The following ATOSA variants were observed in gnomAD, a reference collection of about 807,000 sequenced individuals.
ATOSA encodes the protein atos homolog protein A.
the ATOSA span, among the ~76,000 whole-genome samples, chr15:52,599,205 A>C: frequency 1.3e-5 from 2 of 152,214 alleles, no homozygotes; most frequent in African/African-American, 4.8e-5. Flanking sequence ...TTTGTAGTAC[A>C]TGTCTCAAAA....
At chr15:52,640,166 T>C in the ATOSA span, among the ~76,000 whole-genome samples, 2 of 152,188 alleles carry the variant, frequency 1.3e-5, no homozygotes, top group Admixed American at 1.3e-4. Context: ...CTTCCAAGAA[T>C]AGGCCCATTG....
At chr15:52,592,922 G>A in the ATOSA span, among the ~76,000 whole-genome samples, 9 of 152,238 alleles carry the variant, frequency 5.9e-5, 1 homozygote, top group East Asian at 1.5e-3. Context: ...CAAAGTGGGA[G>A]GTCTGCTTGA....
the ATOSA span, among the ~76,000 whole-genome samples, chr15:52,698,098 T>A: frequency 1.4e-5 from 2 of 147,370 alleles, no homozygotes; most frequent in African/African-American, 5.0e-5. Context: ...TGCCTCAGCC[T>A]CCCGAGTAGC....
At chr15:52,652,111 G>T in the ATOSA span, 2 of 1,382,256 alleles carry the variant, frequency 1.4e-6, no homozygotes, top group East Asian at 2.6e-5. Flanking sequence ...TGGACAGAGG[G>T]TGTGCTCAAC....
At chr15:52,662,595 C>T in the ATOSA span, among the ~76,000 whole-genome samples, 1 of 151,948 alleles carries the variant, frequency 6.6e-6, no homozygotes, top group Non-Finnish European at 1.5e-5. Flanking sequence ...ACAGTGAAAC[C>T]CCGTCTCTAC....
chr15:52,651,425 C>G, the ATOSA span, among the ~76,000 whole-genome samples: 3 of 152,178 alleles, frequency 2.0e-5, no homozygotes, highest in Non-Finnish European at 4.4e-5. Context: ...TTCTGACAAT[C>G]TTTGTCAAAT....
the ATOSA span, among the ~76,000 whole-genome samples, chr15:52,669,508 T>C: frequency 2.4e-4 from 37 of 152,300 alleles, no homozygotes; most frequent in South Asian, 6.0e-3. Flanking sequence ...CAAAAGAAAA[T>C]TGCTAATTTG....
At chr15:52,694,244 G>A in the ATOSA span, among the ~76,000 whole-genome samples, 636 of 151,052 alleles carry the variant, frequency 4.2e-3, 2 homozygotes, top group African/African-American at 0.014. Context: ...TCAGCTCACC[G>A]CAACCTCCTC....
the ATOSA span, chr15:52,611,098 G>A: frequency 1.7e-5 from 27 of 1,584,486 alleles, no homozygotes; most frequent in Non-Finnish European, 2.0e-5. Flanking sequence ...GGCTGAATAC[G>A]CACTGTCCTT....
chr15:52,672,154 T>C, the ATOSA span, among the ~76,000 whole-genome samples: 3 of 87,402 alleles, frequency 3.4e-5, no homozygotes, highest in South Asian at 1.1e-3. Flanking sequence ...CTGGGCAACA[T>C]AGTGAGACCC....
chr15:52,701,403 C>T, the ATOSA span, among the ~76,000 whole-genome samples: 16 of 152,284 alleles, frequency 1.1e-4, no homozygotes, highest in South Asian at 2.9e-3. Flanking sequence ...GGTGCCACTG[C>T]ACTCCAGCAT....
the ATOSA span, among the ~76,000 whole-genome samples, chr15:52,694,124 ATG>A: frequency 6.7e-6 from 1 of 150,360 alleles, no homozygotes; most frequent in African/African-American, 2.4e-5. Context: ...TCAGCTGAGT[ATG>A]TGTGTGTGTG....
the ATOSA span, chr15:52,600,969 C>T: frequency 1.4e-6 from 1 of 705,506 alleles, no homozygotes; most frequent in Admixed American, 3.0e-5. Context: ...TGGTATCATA[C>T]TCTAAATAAG....
chr15:52,674,913 C>T, the ATOSA span, among the ~76,000 whole-genome samples: 119,566 of 151,094 alleles, frequency 0.79, 48,163 homozygotes, highest in Non-Finnish European at 0.86. Flanking sequence ...ACATAATAAA[C>T]GATATTATTT....
chr15:52,635,322 A>AG, the ATOSA span, among the ~76,000 whole-genome samples: 1 of 152,228 alleles, frequency 6.6e-6, no homozygotes, highest in Non-Finnish European at 1.5e-5. Flanking sequence ...AGCAGAATGT[A>AG]GATCCTTACC....
the ATOSA span, chr15:52,658,724 G>C: frequency 3.0e-5 from 11 of 368,786 alleles, no homozygotes; most frequent in African/African-American, 2.4e-4. Flanking sequence ...CCAGACTTTA[G>C]GAGGCTGATA....
the ATOSA span, among the ~76,000 whole-genome samples, chr15:52,681,927 T>A: frequency 1.3e-5 from 2 of 152,228 alleles, no homozygotes; most frequent in African/African-American, 4.8e-5. Context: ...ATGACCAAAG[T>A]CATGGAACCA....
chr15:52,693,901 T>C, the ATOSA span, among the ~76,000 whole-genome samples: 1 of 152,152 alleles, frequency 6.6e-6, no homozygotes, highest in African/African-American at 2.4e-5. Flanking sequence ...AGACAATAGT[T>C]GAGTGGAATG....
chr15:52,630,018 C>CATT, the ATOSA span, among the ~76,000 whole-genome samples: 3 of 151,964 alleles, frequency 2.0e-5, no homozygotes, highest in Admixed American at 2.0e-4. Flanking sequence ...TAGGGCAGGA[C>CATT]GTTGGTGGTG....
Sources: allele counts gnomAD v4.1 joint callset (sites outside exome capture counted in the v4.1 genomes callset), GRCh38; gene constraint gnomAD v4.1.1; transcripts MANE v1.5; gene names NCBI Gene and HGNC (gene_info 2026-07-23, HGNC 2026-07-21).